The following MORN1 variants were observed in gnomAD, a reference collection of about 807,000 sequenced individuals.
The protein encoded by MORN1 is MORN repeat containing 1.
MORN1 carries 67 observed loss-of-function variants against 61.9 expected under a neutral mutation model. The observed-to-expected ratio is 1.08, with a 90% CI of 0.89 to 1.33. MORN1 has a LOEUF of 1.33. MORN1 is among the 40% of genes most tolerant of loss of function. The pLI, the probability that MORN1 is intolerant of heterozygous loss-of-function variation, is 0.00. For synonymous variants in MORN1, 301 were observed against 292.0 expected, an observed-to-expected ratio of 1.03 and a Z score of -0.31; for missense variants, 752 against 691.2, an observed-to-expected ratio of 1.09 and a Z score of -0.99.
At chr1:2,359,278 G>A (rs1463221089) in intron 8 of MORN1, among the ~76,000 whole-genome samples, 1 of 152,290 alleles carries the variant, frequency 6.6e-6, no homozygotes, top group South Asian at 2.1e-4. Flanking sequence ...AAGGTACCCA[G>A]CACAGGGCCT....
intron 8 of MORN1, among the ~76,000 whole-genome samples, chr1:2,370,661 A>AT (rs908015466): frequency 2.1e-5 from 3 of 140,616 alleles, no homozygotes; most frequent in African/African-American, 2.7e-5. Context: ...CCTTTTTTTC[A>AT]TTTTTTTTTC....
At chr1:2,332,554 TG>T (rs1641180443) in intron 12 of MORN1, 2 of 454,368 alleles carry the variant, frequency 4.4e-6, no homozygotes, top group African/African-American at 2.0e-5. Flanking sequence ...GATGGGGGAA[TG>T]GGCAGTGCTG....
At chr1:2,327,865 C>T (rs542974546) in intron 12 of MORN1, among the ~76,000 whole-genome samples, 1 of 152,390 alleles carries the variant, frequency 6.6e-6, no homozygotes, top group African/African-American at 2.4e-5. Flanking sequence ...CCCAAGGCCC[C>T]GCATCGCGCC....
chr1:2,385,061 C>A lies in MORN1; in HGVS notation c.454G>T (p.Gly152Cys), dbSNP rs760859889. 1.3e-6 allele frequency: 2 copies of A among 1,591,648 alleles called. No homozygotes were observed. Among genetic ancestry groups the A allele is most frequent in the African/African-American group, 1.3e-5 (1 of 74,612 alleles). The change falls in exon 6 of 14, where the codon GGT becomes TGT. Residue 152 changes from glycine to cysteine, a missense_variant. Physicochemically the swap from Gly to Cys is radical, Grantham distance 159. Coordinates refer to ENST00000378531, the MANE Select transcript of MORN1 (RefSeq NM_024848.3). ...HGPGQMLFQN[G>C]DKYDGDWVRD... ...ACCCAGTCGCCGTCGTACTTGTCAC[C>A]GTTCCTGGGGGACACACGCACGGAG...
In MORN1 at chr1:2,337,315, C is replaced by A. The variant is rs1045541189; in HGVS notation, c.1037-465G>T. Reference sequence around the variant, plus strand: ...CGGCCCATCAAGATGGACCTGGCGTCAGGACCCGTTCTCCACAGGCGTGGA... The same window carrying A: ...CGGCCCATCAAGATGGACCTGGCGTAAGGACCCGTTCTCCACAGGCGTGGA... On this transcript the variant is annotated intron_variant, in intron 10 of 13. Coordinates refer to ENST00000378531, the MANE Select transcript of MORN1 (RefSeq NM_024848.3). This position sits in a 1 kb window ranked among gnomAD's most constrained non-coding sequence, Gnocchi z 5.7. 2.0e-5 allele frequency among the ~76,000 whole-genome samples: 3 copies of A among 152,176 alleles called. No individual in the cohort carries two copies. Among genetic ancestry groups the A allele is most frequent in the Admixed American group, 2.0e-4 (3 of 15,290 alleles).
At chr1:2,343,388 G>T (rs1049685815) in intron 10 of MORN1, among the ~76,000 whole-genome samples, 2 of 152,232 alleles carry the variant, frequency 1.3e-5, no homozygotes, top group African/African-American at 4.8e-5. Context: ...GGGCCCTGGG[G>T]ATGACGCTGC....
At chr1:2,360,243 G>A (rs145625425) in intron 8 of MORN1, among the ~76,000 whole-genome samples, 267 of 152,354 alleles carry the variant, frequency 1.8e-3, no homozygotes, top group South Asian at 6.8e-3. Flanking sequence ...AGACACGATT[G>A]GGAAAGCAAA....
intron 8 of MORN1, 70 bp from the exon 9 acceptor site, chr1:2,358,785 A>G (rs745357017): frequency 7.1e-6 from 11 of 1,540,118 alleles, no homozygotes; most frequent in Non-Finnish European, 9.7e-6. Flanking sequence ...GGCCCGGGGC[A>G]GGCTTCTGGG....
In MORN1 at chr1:2,370,364, T is replaced by A. The variant is rs115133533; in HGVS notation, c.745+2117A>T. 7.9e-3 allele frequency among the ~76,000 whole-genome samples: 1,203 copies of A among 152,328 alleles called. 8 individuals are homozygous for A. Among genetic ancestry groups the A allele is most frequent in the Non-Finnish European group, 0.012 (787 of 68,016 alleles). On this transcript the variant is annotated intron_variant, in intron 8 of 13. Transcript: ENST00000378531. ...ACTCACACTGGATCCCAGGCCTAAA[T>A]GTAAGAGCTAGAACTATAAGAGTTC...
chr1:2,329,935 C>A (rs889363631), intron 12 of MORN1, among the ~76,000 whole-genome samples: 1 of 152,156 alleles, frequency 6.6e-6, no homozygotes, highest in African/African-American at 2.4e-5. Flanking sequence ...GTGTTTATGG[C>A]GGAGACCAGC....
chr1:2,388,575 G>C (rs1642561228), intron 2 of MORN1: 2 of 480,888 alleles, frequency 4.2e-6, no homozygotes, highest in South Asian at 4.7e-5. Flanking sequence ...TCGAAGTGCA[G>C]GCAGCCAGCC....
chr1:2,349,449 C>T (rs957649544), intron 10 of MORN1, among the ~76,000 whole-genome samples: 2 of 152,178 alleles, frequency 1.3e-5, no homozygotes, highest in African/African-American at 2.4e-5. Context: ...ACGCACATCC[C>T]GAAGTCTGAG....
chr1:2,353,091 C>T (rs562242114), intron 10 of MORN1, among the ~76,000 whole-genome samples: 7 of 152,350 alleles, frequency 4.6e-5, no homozygotes, highest in South Asian at 4.1e-4. Context: ...GAGGCTTCAA[C>T]GGGGCCCACC....
chr1:2,384,727 G>A (rs1431199448), intron 6 of MORN1, among the ~76,000 whole-genome samples: 5 of 152,224 alleles, frequency 3.3e-5, no homozygotes, highest in Admixed American at 2.6e-4. Context: ...CCGCCTGTGA[G>A]CTTCCCTGCC....
At position 2,358,606 on chromosome 1, in the gene MORN1, G is replaced by C; in HGVS notation, c.855C>G (p.Leu285=). Residue 285 remains leucine, a synonymous_variant, in exon 9 of 14, where the codon CTC becomes CTG. Transcript: ENST00000378531. ...CACGTACTCACAATGGGGTCTGGAT[G>C]AGTGTCTCTTGGTTGTCTCTGTCCA... ...FKVDRDNQET[L]IQTPFGFECI... is the part of the protein sequence containing the mutation. 2 of 1,614,136 alleles carry C rather than the reference G, an allele frequency of 1.2e-6. No homozygotes were observed. The highest frequency in any genetic ancestry group is 1.7e-6 in the Non-Finnish European group (2 of 1,179,998).
intron 6 of MORN1, among the ~76,000 whole-genome samples, chr1:2,383,283 G>T (rs981455606): frequency 6.6e-6 from 1 of 152,200 alleles, no homozygotes; most frequent in Non-Finnish European, 1.5e-5. Context: ...CAGGGCCAGT[G>T]GCCTGTGGAA....
rs542461533 is a variant in MORN1, at chr1:2,357,998, C to T, written c.870-400G>A. 2.6e-5 allele frequency among the ~76,000 whole-genome samples: 4 copies of T among 152,268 alleles called. No individual in the cohort carries two copies. The highest frequency in any genetic ancestry group is 2.1e-4 in the South Asian group (1 of 4,824). On this transcript the variant is annotated intron_variant, in intron 9 of 13. Coordinates refer to ENST00000378531, the MANE Select transcript of MORN1 (RefSeq NM_024848.3). The surrounding 1 kb of genome is among the most constrained non-coding windows in gnomAD (Gnocchi z 6.3). ...CTGTGGCGTCACACTCAGGTCTGGT[C>T]GCCTGGGGCACTGCTAAGTTCTGAC... is the stretch of plus-strand genomic sequence containing the variant.
chr1:2,332,783 G>A, intron 12 of MORN1: 2 of 455,612 alleles, frequency 4.4e-6, no homozygotes, highest in South Asian at 3.1e-5. Context: ...CCATGAGTGA[G>A]TGAGGCTTTG....
intron 8 of MORN1, chr1:2,371,600 A>G (rs1642124160): frequency 6.6e-6 from 1 of 152,294 alleles, no homozygotes; most frequent in African/African-American, 2.4e-5. Context: ...AATTTTGGAA[A>G]AACAGTTTAG....
Sources: allele counts gnomAD v4.1 joint callset (sites outside exome capture counted in the v4.1 genomes callset), GRCh38; gene constraint gnomAD v4.1.1; non-coding constraint Gnocchi (gnomAD v3.1); transcripts MANE v1.5; gene names NCBI Gene and HGNC (gene_info 2026-07-23, HGNC 2026-07-21).